GRIK2: variants seen among roughly 807,000 people sequenced by gnomAD.
The protein encoded by GRIK2 is glutamate receptor ionotropic, kainate 2.
In GRIK2, 32 loss-of-function variants were observed where a neutral mutation model predicts 100.3. That is an observed-to-expected ratio of 0.32 (90% CI 0.24 to 0.43). The LOEUF is 0.43. GRIK2 is among the 20% of genes least tolerant of loss of function. GRIK2 has a pLI of 1.00. For missense variants in GRIK2, 843 were observed against 1,114.9 expected (o/e 0.76, Z 3.47); for synonymous variants, 417 against 389.4 (o/e 1.07, Z -0.83).
chr6:101,577,757 T>TA (rs1777858803), intron 2 of GRIK2, among the ~76,000 whole-genome samples: 1 of 152,178 alleles, frequency 6.6e-6, no homozygotes, highest in African/African-American at 2.4e-5. Flanking sequence ...GGTCTCTCCT[T>TA]ACATTGCGTG....
intron 12 of GRIK2, among the ~76,000 whole-genome samples, chr6:101,896,387 G>T (rs1787443980): frequency 6.6e-6 from 1 of 151,734 alleles, no homozygotes; most frequent in South Asian, 2.1e-4. Context: ...AGGTGTAAAA[G>T]ATTTGAGAAA....
chr6:101,924,091 T>C (rs1047122726), intron 12 of GRIK2, among the ~76,000 whole-genome samples: 1 of 152,088 alleles, frequency 6.6e-6, no homozygotes, highest in Admixed American at 6.5e-5. Context: ...AATATGTAAA[T>C]TCATAGAATC....
At chr6:101,941,065 C>A (rs2128475575) in intron 14 of GRIK2, among the ~76,000 whole-genome samples, 1 of 152,064 alleles carries the variant, frequency 6.6e-6, no homozygotes, top group East Asian at 1.9e-4. Flanking sequence ...TAAATGATTT[C>A]TTCTATGTAC....
intron 11 of GRIK2, among the ~76,000 whole-genome samples, chr6:101,882,409 C>T (rs1027845483): frequency 6.6e-6 from 1 of 151,922 alleles, no homozygotes; most frequent in Non-Finnish European, 1.5e-5. Context: ...CATTTTAGAC[C>T]CATAGTTATT....
chr6:101,914,177 G>T (rs1332647555), intron 12 of GRIK2, among the ~76,000 whole-genome samples: 2 of 151,244 alleles, frequency 1.3e-5, no homozygotes, highest in Admixed American at 1.3e-4. Context: ...ATAAACTTTG[G>T]TGATGTACTA....
chr6:101,514,764 A>C (rs1774497935), intron 2 of GRIK2, among the ~76,000 whole-genome samples: 1 of 152,228 alleles, frequency 6.6e-6, no homozygotes, highest in East Asian at 1.9e-4. Flanking sequence ...TGTCTCTTTA[A>C]GTTTTTTTGA....
intron 2 of GRIK2, among the ~76,000 whole-genome samples, chr6:101,401,978 G>A (rs984858683): frequency 1.3e-5 from 2 of 152,074 alleles, no homozygotes; most frequent in Non-Finnish European, 2.9e-5. Flanking sequence ...GCGGCGCTAT[G>A]GCAACGGCGG....
At chr6:101,640,898 G>A (rs148435590) in intron 4 of GRIK2, among the ~76,000 whole-genome samples, 204 of 152,034 alleles carry the variant, frequency 1.3e-3, no homozygotes, top group African/African-American at 4.7e-3. Context: ...GATAAACAAA[G>A]GCATCATTTT....
chr6:102,045,086 G>T (rs1770811768), intron 15 of GRIK2, among the ~76,000 whole-genome samples: 1 of 151,940 alleles, frequency 6.6e-6, no homozygotes, highest in African/African-American at 2.4e-5. Flanking sequence ...TCTCACTATT[G>T]TTGAGTACAT....
rs903669154 is a variant in GRIK2, at chr6:101,487,389, A to G, written c.115+87997A>G. Among the ~76,000 whole-genome samples the G allele has an allele frequency of 6.8e-5, 10 of 146,320 alleles. 1 individual carries two copies. The highest frequency in any genetic ancestry group is 2.7e-4 in the Admixed American group (4 of 14,692). ...TTCACCTCCTGAGCCTCAGTACTAC[A>G]TTTTAAAACTGGAGGTAATATTAGT... On this transcript the variant is annotated intron_variant, in intron 2 of 16. Transcript: ENST00000369134.
intron 5 of GRIK2, among the ~76,000 whole-genome samples, chr6:101,677,771 G>A (rs1034784198): frequency 1.3e-5 from 2 of 152,134 alleles, no homozygotes; most frequent in African/African-American, 4.8e-5. Flanking sequence ...GAGTTACGCA[G>A]ATTCAGATGT....
chr6:101,994,845 A>G (rs1327404231), intron 14 of GRIK2, among the ~76,000 whole-genome samples: 2 of 151,914 alleles, frequency 1.3e-5, no homozygotes, highest in Non-Finnish European at 2.9e-5. Flanking sequence ...TAGGGCAACC[A>G]TAACTATAGC....
At chr6:101,461,550 A>C (rs567317279) in intron 2 of GRIK2, among the ~76,000 whole-genome samples, 41 of 152,150 alleles carry the variant, frequency 2.7e-4, no homozygotes, top group Middle Eastern at 3.4e-3. Context: ...AAAGTTCTTC[A>C]CTCTTAAGGA....
chr6:101,453,298 GA>G (rs1325561429), intron 2 of GRIK2, among the ~76,000 whole-genome samples: 1 of 151,436 alleles, frequency 6.6e-6, no homozygotes, highest in African/African-American at 2.4e-5. Context: ...AACAAATTAA[GA>G]AAAAAATTAA....
chr6:101,412,432 C>T (rs1009084397), intron 2 of GRIK2, among the ~76,000 whole-genome samples: 1 of 151,900 alleles, frequency 6.6e-6, no homozygotes, highest in Non-Finnish European at 1.5e-5. Context: ...AGACACTTTA[C>T]TGACAGTATG....
intron 7 of GRIK2, among the ~76,000 whole-genome samples, chr6:101,714,645 G>T (rs891669171): frequency 2.0e-5 from 3 of 151,732 alleles, no homozygotes; most frequent in Non-Finnish European, 2.9e-5. Context: ...ACGTTCTCAT[G>T]TAAGTTTTAT....
At chr6:101,526,503 TTATTA>T (rs1775163860) in intron 2 of GRIK2, among the ~76,000 whole-genome samples, 2 of 152,210 alleles carry the variant, frequency 1.3e-5, no homozygotes, top group South Asian at 4.1e-4. Flanking sequence ...TGTAGCTGGT[TTATTA>T]TATTCTCTCA....
chr6:101,738,349 T>C lies in GRIK2; in HGVS notation c.951+51996T>C, dbSNP rs533882490. On this transcript the variant is annotated intron_variant, in intron 7 of 16. Coordinates refer to ENST00000369134, the MANE Select transcript of GRIK2 (RefSeq NM_021956.5). Reference sequence around the variant, plus strand: ...TATATACTCCTGAAAATAATCTCTCTCTTTAATTCTTTTCAGAAGCAGCTT... The same window carrying C: ...TATATACTCCTGAAAATAATCTCTCCCTTTAATTCTTTTCAGAAGCAGCTT... Among the ~76,000 whole-genome samples, 65 of 146,162 alleles carry C rather than the reference T, an allele frequency of 4.4e-4. 2 individuals are homozygous for C. The South Asian group carries it at 0.013, about 28-fold the overall frequency.
At chr6:102,063,206 G>T (rs1337359250) in intron 16 of GRIK2, among the ~76,000 whole-genome samples, 1 of 150,456 alleles carries the variant, frequency 6.6e-6, no homozygotes, top group Admixed American at 6.7e-5. Context: ...GCTCCAAGTA[G>T]GATAAGTAGA....
Sources: allele counts gnomAD v4.1 joint callset (sites outside exome capture counted in the v4.1 genomes callset), GRCh38; gene constraint gnomAD v4.1.1; transcripts MANE v1.5; gene names NCBI Gene and HGNC (gene_info 2026-07-23, HGNC 2026-07-21).